Variants in ZNF609 observed in about 807,000 individuals in gnomAD.
The protein encoded by ZNF609 is zinc finger protein 609.
In ZNF609, 11 loss-of-function variants were observed where a neutral mutation model predicts 109.5. That is an observed-to-expected ratio of 0.10 (90% CI 0.06 to 0.17). The LOEUF is 0.17. Ranked by LOEUF, ZNF609 falls within the 10% of genes least tolerant of loss-of-function variation. The pLI is 1.00. For missense variants in ZNF609, 1,559 were observed against 1,772.4 expected, an observed-to-expected ratio of 0.88 and a Z score of 2.16; for synonymous variants, 646 against 662.0, an observed-to-expected ratio of 0.98 and a Z score of 0.37.
At position 64,504,745 on chromosome 15, in the gene ZNF609, T is replaced by C. The variant is rs1190901663; in HGVS notation, c.747+4579T>C. Among the ~76,000 whole-genome samples, 3 of 151,672 alleles carry C rather than the reference T, an allele frequency of 2.0e-5. No individual in the cohort carries two copies. In the South Asian group the frequency reaches 6.2e-4, roughly 32 times the overall value. On this transcript the variant is annotated intron_variant, in intron 2 of 9. Transcript: ENST00000326648. ...ATCCACCTGCTTCGGCCTCCCAGAG[T>C]GCTGAGATTACAGGCATGAGCCACC...
chr15:64,641,504 G>A (rs537242488), intron 3 of ZNF609, among the ~76,000 whole-genome samples: 41 of 152,060 alleles, frequency 2.7e-4, no homozygotes, highest in Non-Finnish European at 4.6e-4. Flanking sequence ...GTGAGCCACC[G>A]CGCCTGGCCT....
rs1896789265 is a variant in ZNF609, at chr15:64,675,075, C to G, written c.2221C>G (p.Leu741Val). The G allele has an allele frequency of 6.2e-7, 1 of 1,614,166 alleles. No individual in the cohort carries two copies. Among genetic ancestry groups the G allele is most frequent in the Non-Finnish European group, 8.5e-7 (1 of 1,180,044 alleles). Residue 741 changes from leucine to valine, a missense_variant, in exon 5 of 10, where the codon CTT (leucine) becomes GTT (valine). Around this residue, in one of 4 missense-constraint regions of ZNF609, gnomAD observed 1,204 missense variants for 1,314.1 expected, o/e 0.92. Transcript: ENST00000326648. ...AAAAAAGAAGGAATCTTCAAAGGAA[C>G]TTGAAAGTCCTCTGACCCCTGGGAA... The part of the protein sequence containing the change: ...DKKKKESSKE[L>V]ESPLTPGKVC...
At chr15:64,528,408 T>A (rs771245558) in intron 2 of ZNF609, among the ~76,000 whole-genome samples, 4 of 150,440 alleles carry the variant, frequency 2.7e-5, no homozygotes, top group East Asian at 1.9e-4. Context: ...TATTATTATT[T>A]TTAATTTTTT....
At chr15:64,536,603 T>G (rs28639604) in intron 2 of ZNF609, among the ~76,000 whole-genome samples, 3,509 of 151,580 alleles carry the variant, frequency 0.023, 58 homozygotes, top group South Asian at 0.04. Flanking sequence ...CTGGCCGGGC[T>G]CAGTGGCACA....
intron 3 of ZNF609, among the ~76,000 whole-genome samples, chr15:64,643,265 G>T (rs1005486310): frequency 1.3e-5 from 2 of 152,098 alleles, no homozygotes; most frequent in Non-Finnish European, 2.9e-5. Context: ...CTGCAGGCGT[G>T]AGCCACCACA....
chr15:64,665,207 C>T (rs549488414), intron 3 of ZNF609, among the ~76,000 whole-genome samples: 2 of 152,254 alleles, frequency 1.3e-5, no homozygotes, highest in Admixed American at 6.5e-5. Context: ...CCCTGCAATC[C>T]TGTATGTGTA....
rs147042302 is a variant in ZNF609 at position 64,487,782 on chromosome 15, G to A, written c.-127-11511G>A. Reference sequence around the variant, plus strand: ...TGAGTAGCTGGAACTACAAGCGAGCGCCACCACGCCCAGCTAAATTTTTTT... The same window carrying A: ...TGAGTAGCTGGAACTACAAGCGAGCACCACCACGCCCAGCTAAATTTTTTT... On this transcript the variant is annotated intron_variant, in intron 1 of 9. Transcript: ENST00000326648. Among the ~76,000 whole-genome samples the A allele has an allele frequency of 4.7e-3, 713 of 152,132 alleles. 4 individuals carry two copies. The highest frequency in any genetic ancestry group is 0.017 in the African/African-American group (690 of 41,482).
intron 3 of ZNF609, among the ~76,000 whole-genome samples, chr15:64,629,943 T>C (rs1896037778): frequency 1.3e-5 from 2 of 152,208 alleles, no homozygotes; most frequent in Admixed American, 6.5e-5. Flanking sequence ...TTTTGCCTAA[T>C]ACAGTTTCAC....
At chr15:64,662,828 G>A (rs1460806378) in intron 3 of ZNF609, among the ~76,000 whole-genome samples, 1 of 151,828 alleles carries the variant, frequency 6.6e-6, no homozygotes, top group East Asian at 1.9e-4. Context: ...ACTACTGCCC[G>A]GCTAATTTTT....
At chr15:64,497,930 A>G (rs1203875890) in intron 1 of ZNF609, among the ~76,000 whole-genome samples, 1 of 151,758 alleles carries the variant, frequency 6.6e-6, no homozygotes, top group Non-Finnish European at 1.5e-5. Context: ...TTTAATGGAT[A>G]GAGAAAGGTG....
chr15:64,619,243 TC>T (rs1219386677), intron 2 of ZNF609, among the ~76,000 whole-genome samples: 1 of 152,166 alleles, frequency 6.6e-6, no homozygotes, highest in Non-Finnish European at 1.5e-5. Context: ...CAAGCACTCC[TC>T]CTGCCTTGGC....
At chr15:64,533,352 A>G (rs758532897) in intron 2 of ZNF609, among the ~76,000 whole-genome samples, 1 of 152,188 alleles carries the variant, frequency 6.6e-6, no homozygotes, top group Non-Finnish European at 1.5e-5. Context: ...GTGCCCAGCC[A>G]TAATTGCTTC....
At chr15:64,549,248 T>C (rs1198395757) in intron 2 of ZNF609, among the ~76,000 whole-genome samples, 1 of 152,164 alleles carries the variant, frequency 6.6e-6, no homozygotes, top group Non-Finnish European at 1.5e-5. Context: ...TGGAGTGCAA[T>C]GGCGCAATCT....
intron 1 of ZNF609, among the ~76,000 whole-genome samples, chr15:64,476,070 C>T (rs1205029581): frequency 6.6e-6 from 1 of 152,128 alleles, no homozygotes; most frequent in Non-Finnish European, 1.5e-5. Flanking sequence ...TGATAGAAAA[C>T]TTGCAGCAAG....
Position 64,684,266 on chromosome 15 carries a change from C to A in ZNF609, c.*2580C>A. On this transcript the variant is annotated 3_prime_UTR_variant, in exon 10 of 10. Coordinates refer to ENST00000326648, the MANE Select transcript of ZNF609 (RefSeq NM_015042.2). Reference sequence around the variant, plus strand: ...GAGGGATGAGATGCTCAGCAGGGGTCCCCATCCTATCCCACCCCACAAACA... The same window carrying A: ...GAGGGATGAGATGCTCAGCAGGGGTACCCATCCTATCCCACCCCACAAACA... 6.6e-6 allele frequency: 1 copy of A among 152,412 alleles called. No homozygotes were observed. The highest frequency in any genetic ancestry group is 1.5e-5 in the Non-Finnish European group (1 of 68,244). The allele number at this position is 152,412 out of a possible 1,614,324, so 9.4% of individuals were successfully genotyped here. A position where few individuals can be genotyped will look rare whatever the true frequency, so the allele number is the denominator to read the frequency against.
intron 3 of ZNF609, among the ~76,000 whole-genome samples, chr15:64,670,060 G>A (rs1344732723): frequency 1.3e-5 from 2 of 152,138 alleles, no homozygotes; most frequent in Non-Finnish European, 2.9e-5. Context: ...GCTTGAGGCT[G>A]TACTCCAGCC....
intron 2 of ZNF609, among the ~76,000 whole-genome samples, chr15:64,578,490 C>T (rs534143082): frequency 3.6e-4 from 54 of 152,072 alleles, no homozygotes; most frequent in African/African-American, 1.2e-3. Flanking sequence ...GCCAGGAGTT[C>T]GAGATCAGCC....
At chr15:64,629,087 G>T (rs1018105600) in intron 3 of ZNF609, among the ~76,000 whole-genome samples, 2 of 152,042 alleles carry the variant, frequency 1.3e-5, no homozygotes, top group Non-Finnish European at 2.9e-5. Context: ...TCTTGCCTTG[G>T]TCATAAATCT....
chr15:64,537,281 T>C (rs1346308863), intron 2 of ZNF609, among the ~76,000 whole-genome samples: 1 of 151,310 alleles, frequency 6.6e-6, no homozygotes, highest in Non-Finnish European at 1.5e-5. Context: ...GTGGATCACC[T>C]GAGGTTGGGA....
Sources: allele counts gnomAD v4.1 joint callset (sites outside exome capture counted in the v4.1 genomes callset), GRCh38; gene constraint gnomAD v4.1.1; regional missense constraint gnomAD v4.1.1; transcripts MANE v1.5; gene names NCBI Gene and HGNC (gene_info 2026-07-23, HGNC 2026-07-21).